Variants in PLCXD2 observed in about 807,000 individuals in gnomAD.
PLCXD2 encodes the protein phosphatidylinositol specific phospholipase C X domain containing 2.
Under a neutral mutation model 28.6 loss-of-function variants are expected in PLCXD2, and 21 were observed. The ratio of observed to expected loss-of-function variants is 0.73; its 90% CI spans 0.52 to 1.06. The LOEUF is 1.06. Among genes scored for constraint, PLCXD2 ranks in the 50% least tolerant of loss-of-function variants. PLCXD2 has a pLI of 0.00. For missense variants in PLCXD2, 369 were observed against 376.7 expected, an observed-to-expected ratio of 0.98 and a Z score of 0.17; for synonymous variants, 140 against 150.1, an observed-to-expected ratio of 0.93 and a Z score of 0.49.
chr3:111,684,807 G>A (rs1009839173), intron 1 of PLCXD2, among the ~76,000 whole-genome samples: 18 of 152,246 alleles, frequency 1.2e-4, no homozygotes, highest in African/African-American at 4.3e-4. Flanking sequence ...TAACCAAGGG[G>A]ACCAATTAGG....
At chr3:111,725,397 A>C in intron 3 of PLCXD2, 1 of 360,990 alleles carries the variant, frequency 2.8e-6, no homozygotes. Context: ...TGGGACACAC[A>C]GAGTGAACTG....
At chr3:111,678,461 G>A (rs1940658224) in intron 1 of PLCXD2, among the ~76,000 whole-genome samples, 1 of 152,130 alleles carries the variant, frequency 6.6e-6, no homozygotes, top group Admixed American at 6.5e-5. Flanking sequence ...ATGGACTAAT[G>A]GGAAGACATT....
chr3:111,681,433 C>T (rs1443370906), intron 1 of PLCXD2, among the ~76,000 whole-genome samples: 2 of 152,208 alleles, frequency 1.3e-5, no homozygotes, highest in African/African-American at 2.4e-5. Context: ...TCATTTTGTT[C>T]CTAGCTTGAG....
intron 1 of PLCXD2, among the ~76,000 whole-genome samples, chr3:111,698,282 T>A (rs944529127): frequency 6.6e-6 from 1 of 152,184 alleles, no homozygotes; most frequent in African/African-American, 2.4e-5. Flanking sequence ...GTTGTCCACA[T>A]TGTGCAGATG....
intron 1 of PLCXD2, among the ~76,000 whole-genome samples, chr3:111,683,159 A>T (rs1158092829): frequency 2.0e-5 from 3 of 152,200 alleles, no homozygotes; most frequent in African/African-American, 7.2e-5. Flanking sequence ...TACTGGTAGT[A>T]GGAGGAAAGC....
At chr3:111,696,079 C>T (rs535633146) in intron 1 of PLCXD2, among the ~76,000 whole-genome samples, 18 of 152,342 alleles carry the variant, frequency 1.2e-4, no homozygotes, top group African/African-American at 4.3e-4. Context: ...TTTAGCTGGA[C>T]ATCTCTGATT....
chr3:111,708,257 C>T lies in PLCXD2; in HGVS notation c.495C>T (p.Phe165=), dbSNP rs1275967173. The T allele has an allele frequency of 1.9e-6, 3 of 1,614,142 alleles. No individual in the cohort carries two copies. Among genetic ancestry groups the T allele is most frequent in the Admixed American group, 1.7e-5 (1 of 60,018 alleles). ...TTATCTTCCTGGATTTCAACCACTT[C>T]TATGCCATGGATGAGACCCATCACA... The change falls in exon 2 of 5, where the codon TTC becomes TTT. Residue 165 remains phenylalanine (F), a synonymous_variant. Coordinates refer to ENST00000477665, the MANE Select transcript of PLCXD2 (RefSeq NM_001185106.1).
intron 1 of PLCXD2, among the ~76,000 whole-genome samples, chr3:111,683,088 A>C (rs147868143): frequency 4.3e-4 from 65 of 152,346 alleles, no homozygotes; most frequent in Middle Eastern, 3.4e-3. Flanking sequence ...GCCAAAATTC[A>C]AACATGATAG....
At chr3:111,696,920 G>T (rs991084041) in intron 1 of PLCXD2, among the ~76,000 whole-genome samples, 1 of 152,008 alleles carries the variant, frequency 6.6e-6, no homozygotes, top group African/African-American at 2.4e-5. Flanking sequence ...ATTGATATTA[G>T]TAAACATATT....
chr3:111,709,242 T>C (rs1311431927), intron 2 of PLCXD2, among the ~76,000 whole-genome samples: 2 of 152,040 alleles, frequency 1.3e-5, no homozygotes, highest in African/African-American at 4.8e-5. Context: ...CACTTGAAAA[T>C]ATTTATTAAA....
At chr3:111,687,684 C>CTTTTTTTT (rs5851776) in intron 1 of PLCXD2, among the ~76,000 whole-genome samples, 6 of 137,346 alleles carry the variant, frequency 4.4e-5, no homozygotes, top group Non-Finnish European at 6.4e-5. Flanking sequence ...TTCTTTCTTT[C>CTTTTTTTT]TTTTTTTTTT....
intron 1 of PLCXD2, among the ~76,000 whole-genome samples, chr3:111,681,552 C>T (rs568879108): frequency 2.6e-4 from 39 of 152,152 alleles, no homozygotes; most frequent in Non-Finnish European, 4.1e-4. Context: ...CAAACACATA[C>T]ATCACCCACA....
At position 111,713,957 on chromosome 3, in the gene PLCXD2, C is replaced by T. The variant is rs576180075; in HGVS notation, c.695C>T (p.Ala232Val). The T allele has an allele frequency of 6.8e-6, 11 of 1,614,154 alleles. No homozygotes were observed. The highest frequency in any genetic ancestry group is 3.3e-5 in the Admixed American group (2 of 60,018). The stretch of plus-strand genomic sequence containing the variant: ...CTGTGGCCAGGAAAGAAGATTCCAG[C>T]GCCCTGGGCAAACACCACAAGTGTG... Residue 232 changes from alanine to valine, a missense_variant, in exon 3 of 5, where the codon GCG (alanine) becomes GTG (valine). Ala to Val is a moderately conservative substitution (Grantham distance 64, BLOSUM62 0). Coordinates refer to ENST00000477665, the MANE Select transcript of PLCXD2 (RefSeq NM_001185106.1).
At chr3:111,700,373 C>G (rs1941024180) in intron 1 of PLCXD2, among the ~76,000 whole-genome samples, 1 of 152,138 alleles carries the variant, frequency 6.6e-6, no homozygotes, top group Non-Finnish European at 1.5e-5. Context: ...AAGTCAATTT[C>G]TAGAAACTGG....
chr3:111,701,736 G>A (rs1335615721), intron 1 of PLCXD2, among the ~76,000 whole-genome samples: 2 of 152,176 alleles, frequency 1.3e-5, no homozygotes, highest in Non-Finnish European at 1.5e-5. Context: ...GCAGTTGAAG[G>A]TTAATGAAAG....
chr3:111,675,559 G>C lies in PLCXD2; in HGVS notation c.163+151G>C, dbSNP rs192867062. 266 of 828,120 alleles carry C rather than the reference G, an allele frequency of 3.2e-4. 1 individual carries two copies. The African/African-American group carries it at 4.1e-3, about 13-fold the overall frequency. 51.3% of individuals were successfully genotyped at this position (828,120 alleles called of 1,614,324 possible). On this transcript the variant is annotated intron_variant, in intron 1 of 4. Coordinates refer to ENST00000477665, the MANE Select transcript of PLCXD2 (RefSeq NM_001185106.1). ...CCAAAAACTTAACACTGAAGCAGCT[G>C]CTTTAAAGAGATTGCAGTACACTGC...
At chr3:111,693,854 C>A (rs1335758267) in intron 1 of PLCXD2, among the ~76,000 whole-genome samples, 1 of 152,178 alleles carries the variant, frequency 6.6e-6, no homozygotes, top group East Asian at 1.9e-4. Context: ...GCTAGGTCTA[C>A]ACCTGCTTGG....
intron 3 of PLCXD2, 29 bp from the exon 4 acceptor site, chr3:111,720,694 C>T (rs983977738): frequency 2.6e-5 from 11 of 416,644 alleles, no homozygotes; most frequent in Non-Finnish European, 4.4e-5. Flanking sequence ...TGTATCCACT[C>T]TCTTCCTCCA....
chr3:111,693,104 C>G (rs188032284), intron 1 of PLCXD2, among the ~76,000 whole-genome samples: 193 of 152,212 alleles, frequency 1.3e-3, no homozygotes, highest in African/African-American at 4.5e-3. Flanking sequence ...TTGGGCTGGC[C>G]TCTGTTATCT....
Sources: allele counts gnomAD v4.1 joint callset (sites outside exome capture counted in the v4.1 genomes callset), GRCh38; gene constraint gnomAD v4.1.1; transcripts MANE v1.5; gene names NCBI Gene and HGNC (gene_info 2026-07-23, HGNC 2026-07-21).